NEO1: variants seen among roughly 807,000 people sequenced by gnomAD.
The protein encoded by NEO1 is neogenin 1.
Under a neutral mutation model 159.7 loss-of-function variants are expected in NEO1, and 63 were observed. That is an observed-to-expected ratio of 0.39 (90% CI 0.32 to 0.49). The LOEUF is 0.49. Among genes scored for constraint, NEO1 ranks in the 20% least tolerant of loss-of-function variants. The pLI is 0.85. For synonymous variants in NEO1, 633 were observed against 662.0 expected, an observed-to-expected ratio of 0.96 and a Z score of 0.67; for missense variants, 1,615 against 1,831.0, an observed-to-expected ratio of 0.88 and a Z score of 2.15.
intron 3 of NEO1, among the ~76,000 whole-genome samples, chr15:73,123,485 CATG>C (rs996346151): frequency 2.6e-5 from 4 of 152,204 alleles, no homozygotes; most frequent in African/African-American, 9.6e-5. Flanking sequence ...TAAGTGTTAA[CATG>C]GTGGCTCTAG....
At chr15:73,183,014 G>C (rs758523939) in intron 7 of NEO1, among the ~76,000 whole-genome samples, 22 of 152,266 alleles carry the variant, frequency 1.4e-4, no homozygotes, top group Middle Eastern at 3.4e-3. Context: ...GCCTTTAACT[G>C]CAAGGCCAAC....
chr15:73,089,872 C>T lies in NEO1; in HGVS notation c.131-26668C>T, dbSNP rs7171021. 8.6e-3 allele frequency among the ~76,000 whole-genome samples: 1,303 copies of T among 152,234 alleles called. 21 individuals are homozygous for T. Among genetic ancestry groups the T allele is most frequent in the African/African-American group, 0.03 (1,228 of 41,548 alleles). Reference sequence around the variant, plus strand: ...TTCCTTGAAGCATTGTTTATAATAGCAACAAATTGGAAATGACTTAAACAC... The same window carrying T: ...TTCCTTGAAGCATTGTTTATAATAGTAACAAATTGGAAATGACTTAAACAC... On this transcript the variant is annotated intron_variant, in intron 1 of 28. Transcript: ENST00000261908.
Position 73,201,272 on chromosome 15 carries a change from C to T in NEO1, c.1291+22845C>T, listed in dbSNP as rs140855753. Among the ~76,000 whole-genome samples, 1,293 of 151,614 alleles carry T rather than the reference C, an allele frequency of 8.5e-3. 23 individuals are homozygous for T. The highest frequency in any genetic ancestry group is 0.03 in the African/African-American group (1,221 of 41,282). ...TTCCCAAGGTATAATCTAAGTTTCA[C>T]TTATTTTCATTCAGTTCAAAAGATT... On this transcript the variant is annotated intron_variant, in intron 7 of 28. Coordinates refer to ENST00000261908, the MANE Select transcript of NEO1 (RefSeq NM_002499.4).
intron 8 of NEO1, among the ~76,000 whole-genome samples, chr15:73,240,935 C>A (rs1463782384): frequency 6.6e-6 from 1 of 152,178 alleles, no homozygotes; most frequent in Non-Finnish European, 1.5e-5. Context: ...ATCTTATCGG[C>A]TTAAATTTTC....
chr15:73,098,844 T>G (rs1197858322), intron 1 of NEO1, among the ~76,000 whole-genome samples: 1 of 152,208 alleles, frequency 6.6e-6, no homozygotes, highest in African/African-American at 2.4e-5. Context: ...TCCTCTATAG[T>G]GAATGCACTA....
intron 27 of NEO1, among the ~76,000 whole-genome samples, chr15:73,301,074 A>G (rs2042593433): frequency 6.6e-6 from 1 of 152,218 alleles, no homozygotes; most frequent in South Asian, 2.1e-4. Context: ...TTTGTGGACT[A>G]CCACACTTTG....
chr15:73,090,616 A>G (rs964640551), intron 1 of NEO1, among the ~76,000 whole-genome samples: 1 of 152,226 alleles, frequency 6.6e-6, no homozygotes, highest in Admixed American at 6.5e-5. Context: ...ATAAACAACT[A>G]TTACAATTCT....
At chr15:73,115,104 G>A (rs929577453) in intron 1 of NEO1, among the ~76,000 whole-genome samples, 1 of 151,980 alleles carries the variant, frequency 6.6e-6, no homozygotes, top group Non-Finnish European at 1.5e-5. Flanking sequence ...GTGCAATGGT[G>A]TAATCTCGGC....
At chr15:73,110,562 G>A (rs4777589) in intron 1 of NEO1, among the ~76,000 whole-genome samples, 81,498 of 151,902 alleles carry the variant, frequency 0.54, 22,216 homozygotes, top group Middle Eastern at 0.6. Context: ...CAACAGAAAG[G>A]AGTTCCCTGT....
intron 8 of NEO1, among the ~76,000 whole-genome samples, chr15:73,240,362 G>A (rs975364741): frequency 6.6e-6 from 1 of 152,148 alleles, no homozygotes; most frequent in African/African-American, 2.4e-5. Context: ...AGGGGCAGGT[G>A]GGCATGACTA....
chr15:73,137,879 A>C (rs1044788602), intron 5 of NEO1, among the ~76,000 whole-genome samples: 2 of 152,262 alleles, frequency 1.3e-5, no homozygotes, highest in Non-Finnish European at 2.9e-5. Context: ...GCATTATATG[A>C]TAAAGAAAGA....
chr15:73,233,193 C>T (rs777691565), intron 7 of NEO1, among the ~76,000 whole-genome samples: 1 of 152,144 alleles, frequency 6.6e-6, no homozygotes, highest in Admixed American at 6.5e-5. Flanking sequence ...GGATATGGAA[C>T]AGCAGCAATA....
intron 21 of NEO1, among the ~76,000 whole-genome samples, chr15:73,276,605 AT>A (rs773926264): frequency 5.9e-5 from 9 of 152,230 alleles, no homozygotes; most frequent in Non-Finnish European, 1.2e-4. Flanking sequence ...CCTTTTGGAT[AT>A]CCAGGAACTC....
At chr15:73,299,510 C>G (rs1241109659) in intron 27 of NEO1, among the ~76,000 whole-genome samples, 1 of 151,988 alleles carries the variant, frequency 6.6e-6, no homozygotes, top group Non-Finnish European at 1.5e-5. Context: ...CTTAGCCTCC[C>G]AAGCAGCTGG....
intron 7 of NEO1, among the ~76,000 whole-genome samples, chr15:73,220,827 C>A (rs2038203817): frequency 6.6e-6 from 1 of 152,150 alleles, no homozygotes; most frequent in South Asian, 2.1e-4. Flanking sequence ...ATACATTCGT[C>A]TAAATTTTTT....
intron 22 of NEO1, among the ~76,000 whole-genome samples, chr15:73,278,573 A>G (rs2041527375): frequency 6.6e-6 from 1 of 152,090 alleles, no homozygotes; most frequent in Admixed American, 6.6e-5. Flanking sequence ...GCTACTACAT[A>G]CTGCAGTGTT....
intron 26 of NEO1, among the ~76,000 whole-genome samples, chr15:73,297,788 C>A (rs2042435367): frequency 6.6e-6 from 1 of 152,190 alleles, no homozygotes. Flanking sequence ...GACCTCTGGG[C>A]TGCTCTGTTT....
intron 7 of NEO1, among the ~76,000 whole-genome samples, chr15:73,231,714 C>G (rs1034499278): frequency 6.6e-6 from 1 of 152,092 alleles, no homozygotes; most frequent in Non-Finnish European, 1.5e-5. Flanking sequence ...AGAGCAAGAC[C>G]CTGAATATGC....
intron 7 of NEO1, among the ~76,000 whole-genome samples, chr15:73,193,304 C>G (rs2152022831): frequency 6.6e-6 from 1 of 151,990 alleles, no homozygotes; most frequent in Admixed American, 6.6e-5. Context: ...TAGAGTCTAG[C>G]TAGAATAGAC....
Sources: allele counts gnomAD v4.1 joint callset (sites outside exome capture counted in the v4.1 genomes callset), GRCh38; gene constraint gnomAD v4.1.1; transcripts MANE v1.5; gene names NCBI Gene and HGNC (gene_info 2026-07-23, HGNC 2026-07-21).